The following CELF2 variants were observed in gnomAD, a reference collection of about 807,000 sequenced individuals.
CELF2 encodes CUG triplet repeat RNA-binding protein 2.
In CELF2, 8 loss-of-function variants were observed where a neutral mutation model predicts 62.6. That is an observed-to-expected ratio of 0.13 (90% CI 0.07 to 0.23). The LOEUF (loss-of-function observed/expected upper bound fraction) is 0.23. Ranked by LOEUF, CELF2 falls within the 10% of genes least tolerant of loss-of-function variation. CELF2 has a pLI of 1.00. For missense variants in CELF2, 333 were observed against 671.0 expected, an observed-to-expected ratio of 0.50 and a Z score of 5.56; for synonymous variants, 258 against 250.0, an observed-to-expected ratio of 1.03 and a Z score of -0.30.
the CELF2 span, among the ~76,000 whole-genome samples, chr10:10,689,984 A>G: frequency 1.3e-5 from 2 of 152,220 alleles, no homozygotes; most frequent in African/African-American, 4.8e-5. Flanking sequence ...GGCAGGTTTC[A>G]GAATATACAA....
At chr10:11,087,928 G>T (rs2047264591) in intron 1 of CELF2, among the ~76,000 whole-genome samples, 1 of 152,232 alleles carries the variant, frequency 6.6e-6, no homozygotes, top group African/African-American at 2.4e-5. Context: ...AAATGTTGGA[G>T]TAGAAGATGA....
chr10:10,945,442 C>A (rs2047553909), intron 2 of CELF2, among the ~76,000 whole-genome samples: 1 of 152,184 alleles, frequency 6.6e-6, no homozygotes, highest in Admixed American at 6.5e-5. Context: ...CGGCCTTCCA[C>A]CCTGTAAGAG....
intron 1 of CELF2, among the ~76,000 whole-genome samples, chr10:10,890,875 C>T (rs1194941249): frequency 6.6e-6 from 1 of 152,056 alleles, no homozygotes; most frequent in African/African-American, 2.4e-5. Flanking sequence ...ATTAGCTGGG[C>T]GTGGTGGCAG....
chr10:11,038,452 G>T (rs934369939), intron 1 of CELF2, among the ~76,000 whole-genome samples: 3 of 152,186 alleles, frequency 2.0e-5, no homozygotes, highest in East Asian at 1.9e-4. Flanking sequence ...TTAAGTTATT[G>T]ATACAGGTTG....
chr10:10,940,877 T>C (rs1429372239), intron 2 of CELF2, among the ~76,000 whole-genome samples: 1 of 152,240 alleles, frequency 6.6e-6, no homozygotes, highest in Admixed American at 6.5e-5. Flanking sequence ...CTGTAACTTT[T>C]GTAGCAATCA....
intron 1 of CELF2, among the ~76,000 whole-genome samples, chr10:11,063,903 G>T (rs1236609502): frequency 6.6e-6 from 1 of 152,174 alleles, no homozygotes; most frequent in African/African-American, 2.4e-5. Flanking sequence ...AGAGGGGAGT[G>T]GATTGATGCC....
chr10:10,607,209 T>G, the CELF2 span, among the ~76,000 whole-genome samples: 2 of 152,166 alleles, frequency 1.3e-5, no homozygotes, highest in African/African-American at 4.8e-5. Context: ...CCACTTGAAA[T>G]GAATAATGTA....
chr10:11,183,653 G>A (rs1179843628), intron 2 of CELF2, among the ~76,000 whole-genome samples: 2 of 152,132 alleles, frequency 1.3e-5, no homozygotes, highest in Admixed American at 1.3e-4. Context: ...GTGTGTAGTG[G>A]TATGTCATTA....
chr10:10,844,220 C>A (rs1411475136), intron 1 of CELF2, among the ~76,000 whole-genome samples: 3 of 151,844 alleles, frequency 2.0e-5, no homozygotes. Flanking sequence ...AATGGGGAAC[C>A]TATTGGGTCA....
the CELF2 span, among the ~76,000 whole-genome samples, chr10:10,599,818 A>G: frequency 1.4e-5 from 2 of 138,684 alleles, no homozygotes; most frequent in Admixed American, 1.6e-4. Flanking sequence ...TGCAAGCTCC[A>G]CCTCCTGGGT....
intron 1 of CELF2, among the ~76,000 whole-genome samples, chr10:10,822,418 G>T (rs540362525): frequency 1.3e-5 from 2 of 152,336 alleles, no homozygotes; most frequent in South Asian, 4.1e-4. Context: ...GTGCTTAGAA[G>T]AAATAATAGT....
chr10:10,791,334 T>C, the CELF2 span, among the ~76,000 whole-genome samples: 1 of 143,016 alleles, frequency 7.0e-6, no homozygotes, highest in Non-Finnish European at 1.5e-5. Context: ...AAAAAAAAAA[T>C]AGGGATTCAA....
intron 1 of CELF2, among the ~76,000 whole-genome samples, chr10:11,095,417 C>G (rs1027744780): frequency 5.9e-5 from 9 of 152,200 alleles, no homozygotes; most frequent in Non-Finnish European, 1.3e-4. Context: ...CCATCCGTGA[C>G]TGTATGTAGC....
chr10:10,979,110 C>T (rs2051729736), intron 2 of CELF2, among the ~76,000 whole-genome samples: 1 of 152,102 alleles, frequency 6.6e-6, no homozygotes, highest in Non-Finnish European at 1.5e-5. Context: ...CCACCATTTT[C>T]CAGGAGAGAA....
rs534147535 is a variant in CELF2 at position 11,316,697 on chromosome 10, C to G, written c.1096+2439C>G. 6.6e-6 allele frequency: 1 copy of G among 152,086 alleles called. No homozygotes were observed. The allele number at this position is 152,086 out of a possible 1,614,324, so 9.4% of individuals were successfully genotyped here. ...CTGAATAGAGCCAACTCTTACCCACCGACACAGCGGTCAGCAAGAAAGCAG... is the reference window on the plus strand; with the variant it reads ...CTGAATAGAGCCAACTCTTACCCACGGACACAGCGGTCAGCAAGAAAGCAG... On this transcript the variant is annotated intron_variant, in intron 10 of 12. Transcript: ENST00000633077. This position sits in a 1 kb window ranked among gnomAD's most constrained non-coding sequence, Gnocchi z 4.4.
chr10:10,842,631 G>A (rs1322639513), intron 1 of CELF2, among the ~76,000 whole-genome samples: 1 of 151,832 alleles, frequency 6.6e-6, no homozygotes, highest in African/African-American at 2.4e-5. Flanking sequence ...TTGCATACTT[G>A]GAATAAATCC....
chr10:10,547,469 A>T, the CELF2 span, among the ~76,000 whole-genome samples: 2 of 152,186 alleles, frequency 1.3e-5, no homozygotes, highest in African/African-American at 4.8e-5. Context: ...CAAAAAAGCA[A>T]AGCGCACAAA....
At chr10:10,544,321 A>G in the CELF2 span, among the ~76,000 whole-genome samples, 14 of 152,338 alleles carry the variant, frequency 9.2e-5, no homozygotes, top group Middle Eastern at 6.8e-3. Flanking sequence ...GAGTCACAGC[A>G]GAGCCGCTAG....
intron 9 of CELF2, among the ~76,000 whole-genome samples, chr10:11,295,089 T>C (rs531875325): frequency 6.6e-6 from 1 of 152,264 alleles, no homozygotes; most frequent in Non-Finnish European, 1.5e-5. Flanking sequence ...GAAAATTGTC[T>C]TCTTTGCTCG....
Sources: allele counts gnomAD v4.1 joint callset (sites outside exome capture counted in the v4.1 genomes callset), GRCh38; gene constraint gnomAD v4.1.1; non-coding constraint Gnocchi (gnomAD v3.1); transcripts MANE v1.5; gene names NCBI Gene and HGNC (gene_info 2026-07-23, HGNC 2026-07-21).